WDR62: variants seen among roughly 807,000 people sequenced by gnomAD.
WDR62 encodes the protein WD repeat domain 62.
Under a neutral mutation model 160.6 loss-of-function variants are expected in WDR62, and 112 were observed. That is an observed-to-expected ratio of 0.70 (90% confidence interval 0.60 to 0.82). The LOEUF (loss-of-function observed/expected upper bound fraction) is 0.82. Among genes scored for constraint, WDR62 ranks in the 40% least tolerant of loss-of-function variants. The pLI, the probability that WDR62 is intolerant of heterozygous loss-of-function variation, is 0.00. For missense variants in WDR62, 1,819 were observed against 1,983.8 expected, an observed-to-expected ratio of 0.92 and a Z score of 1.58; for synonymous variants, 792 against 815.1, an observed-to-expected ratio of 0.97 and a Z score of 0.48.
intron 3 of WDR62, 30 bp downstream of exon 3, chr19:36,060,060 G>A (rs748450891): frequency 6.2e-6 from 10 of 1,612,464 alleles, no homozygotes; most frequent in South Asian, 2.2e-5. Context: ...CGGGGCAGGG[G>A]TGGAACCAGG....
intron 3 of WDR62, among the ~76,000 whole-genome samples, chr19:36,064,221 C>G (rs1970810974): frequency 1.3e-5 from 2 of 152,222 alleles, no homozygotes; most frequent in South Asian, 2.1e-4. Context: ...TCCTGCATGT[C>G]ATAAGTCCAG....
At chr19:36,067,555 G>T in intron 6 of WDR62, 112 bp downstream of exon 6, 1 of 1,494,654 alleles carries the variant, frequency 6.7e-7, no homozygotes. Context: ...GGGCCATTTG[G>T]CCTCTCAGGG....
At chr19:36,084,557 CATT>C (rs1160482537) in intron 11 of WDR62, 93 bp from the exon 12 acceptor site, 14 of 1,161,486 alleles carry the variant, frequency 1.2e-5, no homozygotes, top group South Asian at 7.4e-5. Context: ...AAGGGGTTCT[CATT>C]GTTGGTGGCC....
At chr19:36,063,415 A>G (rs1329250662) in intron 3 of WDR62, among the ~76,000 whole-genome samples, 1 of 150,042 alleles carries the variant, frequency 6.7e-6, no homozygotes, top group Non-Finnish European at 1.5e-5. Flanking sequence ...TGCCTGGCTA[A>G]TTTTTGTATT....
At position 36,089,285 on chromosome 19, in the gene WDR62, C is replaced by G; in HGVS notation, c.1937C>G (p.Ala646Gly). Residue 646 changes from alanine (A) to glycine (G), a missense_variant, in exon 15 of 32, where the codon GCC becomes GGC. Ala to Gly is a moderately conservative substitution (Grantham distance 60, BLOSUM62 0). Around this residue, in one of 3 missense-constraint regions of WDR62, gnomAD observed 934 missense variants for 1,157.2 expected, o/e 0.81. Coordinates refer to ENST00000401500, the MANE Select transcript of WDR62 (RefSeq NM_001083961.2). ...IDITQKYVAV[A>G]CQDRNVRVYN... Reference sequence around the variant, plus strand: ...ATCACCCAGAAGTACGTGGCCGTGGCCTGCCAGGACCGCAATGTGAGGTAA... The same window carrying G: ...ATCACCCAGAAGTACGTGGCCGTGGGCTGCCAGGACCGCAATGTGAGGTAA... 6.2e-7 allele frequency: 1 copy of G among 1,614,230 alleles called. No homozygotes were observed. The highest frequency in any genetic ancestry group is 8.5e-7 in the Non-Finnish European group (1 of 1,180,038).
At chr19:36,094,286 G>A in intron 20 of WDR62, 122 bp downstream of exon 20, 1 of 1,275,838 alleles carries the variant, frequency 7.8e-7, no homozygotes, top group Non-Finnish European at 1.1e-6. Flanking sequence ...GGGTGCGGTG[G>A]CTGATACCTG....
At chr19:36,095,279 C>T (rs996480006) in intron 20 of WDR62, among the ~76,000 whole-genome samples, 1 of 152,096 alleles carries the variant, frequency 6.6e-6, no homozygotes, top group South Asian at 2.1e-4. Flanking sequence ...AAAAGATACC[C>T]CCAGCAACTA....
Position 36,102,063 on chromosome 19 carries a change from C to T in WDR62, c.3132C>T (p.Ser1044=), listed in dbSNP as rs377332105. ...EDELSLPEGP[S]VPSSSLPQTP... is the part of the protein sequence containing the mutation. Reference sequence around the variant, plus strand: ...AGCTGTCCCTGCCCGAGGGACCCAGCGTCCCCAGCAGCTCCCTACCCCAGA... The same window carrying T: ...AGCTGTCCCTGCCCGAGGGACCCAGTGTCCCCAGCAGCTCCCTACCCCAGA... Residue 1044 remains serine (S), a synonymous_variant, in exon 26 of 32, where the codon AGC becomes AGT. Transcript: ENST00000401500. 15 of 1,614,064 alleles carry T rather than the reference C, an allele frequency of 9.3e-6. No individual in the cohort carries two copies. Among genetic ancestry groups the T allele is most frequent in the African/African-American group, 8.0e-5 (6 of 74,938 alleles).
At chr19:36,057,279 T>C (rs1970419478) in intron 1 of WDR62, among the ~76,000 whole-genome samples, 1 of 152,240 alleles carries the variant, frequency 6.6e-6, no homozygotes, top group Non-Finnish European at 1.5e-5. Context: ...TAGCTAATAC[T>C]GATATTATGA....
chr19:36,090,342 G>A lies in WDR62; in HGVS notation c.1959-103G>A, dbSNP rs1217638061. On this transcript the variant is annotated intron_variant, in intron 15 of 31. Coordinates refer to ENST00000401500, the MANE Select transcript of WDR62 (RefSeq NM_001083961.2). ...TCTAGGCATCAGATGGGGACAAGAGGTAGCAGGGGGCTTCCAGGGGAGGGG... is the reference window on the plus strand; with the variant it reads ...TCTAGGCATCAGATGGGGACAAGAGATAGCAGGGGGCTTCCAGGGGAGGGG... 2.2e-5 allele frequency: 23 copies of A among 1,054,138 alleles called. No individual in the cohort carries two copies. The South Asian group carries it at 2.9e-4, about 13-fold the overall frequency. The allele number at this position is 1,054,138 out of a possible 1,614,324, so 65.3% of individuals were successfully genotyped here. A position where few individuals can be genotyped will look rare whatever the true frequency, so the allele number is the denominator to read the frequency against.
chr19:36,093,951 A>G (rs1247525464), intron 19 of WDR62, 80 bp from the exon 20 acceptor site: 3 of 1,568,760 alleles, frequency 1.9e-6, no homozygotes, highest in Non-Finnish European at 2.6e-6. Context: ...AGCTTAGCAC[A>G]GGGCCCAGCC....
At position 36,059,996 on chromosome 19, in the gene WDR62, G is replaced by A; in HGVS notation, c.298G>A (p.Glu100Lys). The A allele has an allele frequency of 2.5e-6, 4 of 1,614,200 alleles. No individual in the cohort carries two copies. The highest frequency in any genetic ancestry group is 3.4e-6 in the Non-Finnish European group (4 of 1,180,042). The change falls in exon 3 of 32, where the codon GAG becomes AAG. Residue 100 changes from glutamate to lysine, a missense_variant. Around this residue, in one of 3 missense-constraint regions of WDR62, gnomAD observed 934 missense variants for 1,157.2 expected, o/e 0.81. Transcript: ENST00000401500. Reference sequence around the variant, plus strand: ...TGTGGTGGTGATTTTGGACCCCAAGGAGAACAAGCAGCAGCACATCTTTAA... The same window carrying A: ...TGTGGTGGTGATTTTGGACCCCAAGAAGAACAAGCAGCAGCACATCTTTAA... ...GCVVVILDPK[E>K]NKQQHIFNTA...
chr19:36,080,125 T>G (rs1222235686), intron 9 of WDR62, among the ~76,000 whole-genome samples: 2 of 151,904 alleles, frequency 1.3e-5, no homozygotes, highest in Non-Finnish European at 2.9e-5. Context: ...ATTTTTTTTT[T>G]GAGACGGAGT....
rs1220817566 is a variant in WDR62 at position 36,104,641 on chromosome 19, C to T, written c.4277C>T (p.Thr1426Ile). The change falls in exon 31 of 32, where the codon ACC becomes ATC. Residue 1426 changes from threonine (T) to isoleucine (I), a missense_variant. By Grantham distance (89) the Thr-to-Ile change is moderately conservative (BLOSUM62 -1). Coordinates refer to ENST00000401500, the MANE Select transcript of WDR62 (RefSeq NM_001083961.2). ...RVGNILHRLQTTFQEALDLYR... is the reference protein window; with the variant it reads ...RVGNILHRLQITFQEALDLYR... The stretch of plus-strand genomic sequence containing the variant: ...GGGAACATCTTGCACAGGCTGCAGA[C>T]CACCTTCCAAGAAGCCCTCGACCTT... The T allele has an allele frequency of 6.2e-7, 1 of 1,614,118 alleles. No homozygotes were observed.
At chr19:36,068,118 G>A in intron 7 of WDR62, 108 bp downstream of exon 7, 1 of 1,322,818 alleles carries the variant, frequency 7.6e-7, no homozygotes, top group Non-Finnish European at 1.1e-6. Context: ...TGTGACTAGT[G>A]GTGAATGACG....
chr19:36,081,363 A>G (rs1460218638), intron 9 of WDR62, 70 bp from the exon 10 acceptor site: 7 of 1,518,114 alleles, frequency 4.6e-6, no homozygotes, highest in Non-Finnish European at 6.3e-6. Flanking sequence ...TTTTTTTTCC[A>G]TGAAAATGCA....
intron 7 of WDR62, among the ~76,000 whole-genome samples, chr19:36,069,492 T>C (rs1279359857): frequency 6.7e-6 from 1 of 148,826 alleles, no homozygotes; most frequent in Non-Finnish European, 1.5e-5. Flanking sequence ...GAAGAGGCGC[T>C]CCTCACTTCC....
chr19:36,102,508 G>A (rs1333981590), intron 26 of WDR62: 3 of 596,384 alleles, frequency 5.0e-6, no homozygotes, highest in Non-Finnish European at 8.9e-6. Flanking sequence ...TGATCTGCCC[G>A]CCTTGGCCTC....
At chr19:36,066,195 G>C in intron 4 of WDR62, 62 bp from the exon 5 acceptor site, 1 of 1,611,670 alleles carries the variant, frequency 6.2e-7, no homozygotes, top group Non-Finnish European at 8.5e-7. Flanking sequence ...CTTCGGCCTT[G>C]ACAACCCTCT....
Sources: allele counts gnomAD v4.1 joint callset (sites outside exome capture counted in the v4.1 genomes callset), GRCh38; gene constraint gnomAD v4.1.1; regional missense constraint gnomAD v4.1.1; transcripts MANE v1.5; gene names NCBI Gene and HGNC (gene_info 2026-07-23, HGNC 2026-07-21).